The following ZC3H11A variants were observed in gnomAD, a reference collection of about 807,000 sequenced individuals.
The protein encoded by ZC3H11A is zinc finger CCCH-type containing 11A.
In ZC3H11A, 22 loss-of-function variants were observed where a neutral mutation model predicts 90.8. That is an observed-to-expected ratio of 0.24 (90% CI 0.17 to 0.35). The LOEUF (loss-of-function observed/expected upper bound fraction) is 0.35, where lower values mean the gene tolerates loss of function less well. Among genes scored for constraint, ZC3H11A ranks in the 10% least tolerant of loss-of-function variants. The pLI, the probability that ZC3H11A is intolerant of heterozygous loss-of-function variation, is 1.00. For synonymous variants in ZC3H11A, 294 were observed against 339.8 expected, an observed-to-expected ratio of 0.87 and a Z score of 1.48; for missense variants, 701 against 964.9, an observed-to-expected ratio of 0.73 and a Z score of 3.62.
intron 14 of ZC3H11A, 52 bp from the exon 15 acceptor site, chr1:203,849,659 C>A: frequency 6.5e-7 from 1 of 1,548,192 alleles, no homozygotes; most frequent in South Asian, 1.1e-5. Flanking sequence ...TTACATCATA[C>A]AGGTTATTAG....
In ZC3H11A at chr1:203,852,195, T is replaced by C. The variant is rs745359657; in HGVS notation, c.2229T>C (p.Ser743=). The change falls in exon 18 of 18, where the codon TCT becomes TCC. Residue 743 remains serine, a synonymous_variant. Transcript: ENST00000367210. ...SSSDSSPPEV[S]GPSSSQMSMK... is the part of the protein sequence containing the mutation. The stretch of plus-strand genomic sequence containing the variant: ...CAGATTCCTCACCCCCGGAGGTGTC[T>C]GGCCCTTCCTCATCCCAAATGAGCA... 1 of 1,613,718 alleles carries C rather than the reference T, an allele frequency of 6.2e-7. No individual in the cohort carries two copies. Among genetic ancestry groups the C allele is most frequent in the Non-Finnish European group, 8.5e-7 (1 of 1,179,824 alleles).
chr1:203,818,189 G>A (rs949639536), intron 3 of ZC3H11A, among the ~76,000 whole-genome samples: 3 of 152,030 alleles, frequency 2.0e-5, no homozygotes, highest in African/African-American at 7.2e-5. Context: ...TTGTATATAT[G>A]TTAATTATAT....
At chr1:203,803,123 A>G (rs1671026420) in intron 2 of ZC3H11A, 107 bp downstream of exon 2, 1 of 152,280 alleles carries the variant, frequency 6.6e-6, no homozygotes, top group Non-Finnish European at 1.5e-5. Flanking sequence ...TTGTTCAGAC[A>G]TTTTTGCTTG....
At chr1:203,848,920 T>C in intron 14 of ZC3H11A, among the ~76,000 whole-genome samples, 1 of 152,212 alleles carries the variant, frequency 6.6e-6, no homozygotes, top group East Asian at 1.9e-4. Flanking sequence ...AGTCTTGCTC[T>C]GTTGCCCAGG....
At chr1:203,824,783 GA>G (rs1176340094) in intron 4 of ZC3H11A, among the ~76,000 whole-genome samples, 1 of 152,064 alleles carries the variant, frequency 6.6e-6, no homozygotes. Flanking sequence ...GTCTTATAGA[GA>G]AAATAGATTG....
intron 4 of ZC3H11A, 142 bp downstream of exon 4, chr1:203,818,831 A>C: frequency 3.8e-6 from 5 of 1,328,768 alleles, no homozygotes; most frequent in Non-Finnish European, 5.1e-6. Context: ...GCACTTTGGG[A>C]GGCTGAGGCG....
Position 203,831,744 on chromosome 1 carries a change from A to G in ZC3H11A, c.784A>G (p.Arg262Gly). 6 of 1,612,674 alleles carry G rather than the reference A, an allele frequency of 3.7e-6. No individual in the cohort carries two copies. Among genetic ancestry groups the G allele is most frequent in the Non-Finnish European group, 5.1e-6 (6 of 1,179,356 alleles). ...PEKENVRTVV[R>G]TVTLSTKQGE... Reference sequence around the variant, plus strand: ...AAAAGAAAATGTCAGGACTGTGGTGAGGACAGTAACTCTCTCCACCAAACA... The same window carrying G: ...AAAAGAAAATGTCAGGACTGTGGTGGGGACAGTAACTCTCTCCACCAAACA... The change falls in exon 9 of 18, where the codon AGG becomes GGG. Residue 262 changes from arginine (R) to glycine (G), a missense_variant. Transcript: ENST00000367210.
chr1:203,810,103 G>A (rs1460599572), intron 2 of ZC3H11A, among the ~76,000 whole-genome samples: 2 of 151,614 alleles, frequency 1.3e-5, no homozygotes, highest in African/African-American at 4.8e-5. Flanking sequence ...AGTCATTGGA[G>A]CATCATTTAA....
intron 8 of ZC3H11A, among the ~76,000 whole-genome samples, 159 bp from the exon 9 acceptor site, chr1:203,831,502 C>A (rs780944246): frequency 6.6e-6 from 1 of 152,194 alleles, no homozygotes; most frequent in Non-Finnish European, 1.5e-5. Flanking sequence ...CACCACTACT[C>A]CATTTGACTG....
At chr1:203,815,400 T>TTA (rs1676038480) in intron 2 of ZC3H11A, among the ~76,000 whole-genome samples, 1 of 124,814 alleles carries the variant, frequency 8.0e-6, no homozygotes, top group Non-Finnish European at 1.7e-5. Flanking sequence ...TTTTTTTTTT[T>TTA]AAGAGATGGG....
Position 203,798,560 on chromosome 1 carries a change from C to T in ZC3H11A, c.-1588+2766C>T, listed in dbSNP as rs980677910. The T allele has an allele frequency of 3.9e-6, 6 of 1,535,988 alleles. No homozygotes were observed. In the African/African-American group the frequency reaches 6.8e-5, roughly 18 times the overall value. ...AGAGAAGTGATCTCTTGAGTGATACCTTGCATGGAGAAAAGTCTACAGGCA... is the reference window on the plus strand; with the variant it reads ...AGAGAAGTGATCTCTTGAGTGATACTTTGCATGGAGAAAAGTCTACAGGCA... On this transcript the variant is annotated intron_variant, in intron 1 of 17. Coordinates refer to ENST00000367210, the MANE Select transcript of ZC3H11A (RefSeq NM_001376342.1).
intron 11 of ZC3H11A, 144 bp from the exon 12 acceptor site, chr1:203,840,162 G>A: frequency 5.6e-6 from 4 of 716,240 alleles, no homozygotes; most frequent in Non-Finnish European, 9.3e-6. Flanking sequence ...TGGCCTTGAA[G>A]TCCTGACCTC....
chr1:203,798,750 A>C, intron 1 of ZC3H11A: 1 of 1,536,180 alleles, frequency 6.5e-7, no homozygotes. Flanking sequence ...CTCAAGTCAC[A>C]TAAGTCAGGC....
At chr1:203,800,448 G>A in intron 1 of ZC3H11A, 1 of 1,488,318 alleles carries the variant, frequency 6.7e-7, no homozygotes, top group Non-Finnish European at 8.9e-7. Flanking sequence ...CAGTGAAAAA[G>A]AAATACTGCC....
At chr1:203,818,792 G>A (rs1677219894) in intron 4 of ZC3H11A, 103 bp downstream of exon 4, 1 of 1,536,860 alleles carries the variant, frequency 6.5e-7, no homozygotes, top group Non-Finnish European at 8.8e-7. Context: ...TATTAAGGCT[G>A]AGTGCAGTGG....
intron 12 of ZC3H11A, among the ~76,000 whole-genome samples, chr1:203,841,068 A>G (rs1170217119): frequency 3.9e-5 from 6 of 152,120 alleles, no homozygotes; most frequent in African/African-American, 9.7e-5. Flanking sequence ...ATCAACTTGC[A>G]TTGTATCAAG....
At chr1:203,847,151 G>T in intron 12 of ZC3H11A, 33 bp from the exon 13 acceptor site, 1 of 1,607,892 alleles carries the variant, frequency 6.2e-7, no homozygotes, top group Non-Finnish European at 8.5e-7. Flanking sequence ...TGAACTTCAA[G>T]TATAATGACA....
chr1:203,837,796 C>G (rs115051178), intron 10 of ZC3H11A, among the ~76,000 whole-genome samples, 170 bp from the exon 11 acceptor site: 1 of 152,088 alleles, frequency 6.6e-6, no homozygotes, highest in Non-Finnish European at 1.5e-5. Context: ...CTCTTTTCTC[C>G]GACATTTTTA....
intron 5 of ZC3H11A, among the ~76,000 whole-genome samples, chr1:203,828,725 TC>T (rs1681343928): frequency 6.6e-6 from 1 of 152,172 alleles, no homozygotes; most frequent in African/African-American, 2.4e-5. Flanking sequence ...GCAAAACTGG[TC>T]CTCTGCCTGT....
Sources: allele counts gnomAD v4.1 joint callset (sites outside exome capture counted in the v4.1 genomes callset), GRCh38; gene constraint gnomAD v4.1.1; transcripts MANE v1.5; gene names NCBI Gene and HGNC (gene_info 2026-07-23, HGNC 2026-07-21).